The following SPATA16 variants were observed in gnomAD, a reference collection of about 807,000 sequenced individuals.
The protein encoded by SPATA16 is spermatogenesis-associated protein 16.
SPATA16 carries 36 observed loss-of-function variants against 63.3 expected under a neutral mutation model. The observed-to-expected ratio is 0.57, with a 90% CI of 0.44 to 0.75. SPATA16 has a LOEUF of 0.75. SPATA16 is among the 30% of genes least tolerant of loss of function. SPATA16 has a pLI of 0.00. For synonymous variants in SPATA16, 203 were observed against 216.7 expected, an observed-to-expected ratio of 0.94 and a Z score of 0.56; for missense variants, 646 against 679.3, an observed-to-expected ratio of 0.95 and a Z score of 0.54.
intron 1 of SPATA16, among the ~76,000 whole-genome samples, chr3:173,122,694 G>C (rs572791591): frequency 6.3e-4 from 96 of 152,234 alleles, no homozygotes; most frequent in Middle Eastern, 3.4e-3. Flanking sequence ...TGCTGTGCTA[G>C]GTCATATGAG....
chr3:172,982,947 CA>C (rs2108255569), intron 4 of SPATA16, among the ~76,000 whole-genome samples: 1 of 152,282 alleles, frequency 6.6e-6, no homozygotes, highest in South Asian at 2.1e-4. Context: ...AAAAAAATCA[CA>C]GCACACAATC....
At chr3:173,099,242 AAGAGAGAGAGAGAGTG>A (rs71162329) in intron 2 of SPATA16, among the ~76,000 whole-genome samples, 3,337 of 151,784 alleles carry the variant, frequency 0.022, 54 homozygotes, top group Non-Finnish European at 0.035. Flanking sequence ...AAGAGACAGA[AAGAGAGAGAGAGAGTG>A]AGAGAGAGAG....
chr3:172,963,043 A>G (rs924799891), intron 5 of SPATA16, among the ~76,000 whole-genome samples: 1 of 152,150 alleles, frequency 6.6e-6, no homozygotes, highest in Non-Finnish European at 1.5e-5. Flanking sequence ...CGTTTATGTA[A>G]TAGTCAAGAT....
intron 5 of SPATA16, among the ~76,000 whole-genome samples, chr3:172,968,368 T>G (rs1029359257): frequency 2.6e-5 from 4 of 152,170 alleles, no homozygotes; most frequent in African/African-American, 4.8e-5. Flanking sequence ...GGTGGCATTG[T>G]GCTGAAATTC....
chr3:173,122,906 T>A (rs1738119195), intron 1 of SPATA16, among the ~76,000 whole-genome samples: 1 of 152,224 alleles, frequency 6.6e-6, no homozygotes, highest in Admixed American at 6.5e-5. Flanking sequence ...TGTACATTTG[T>A]TATTAGAAGG....
intron 2 of SPATA16, among the ~76,000 whole-genome samples, chr3:173,081,196 C>A (rs1219620764): frequency 6.6e-6 from 1 of 152,162 alleles, no homozygotes; most frequent in African/African-American, 2.4e-5. Flanking sequence ...AGTGACCAGG[C>A]AAACAACTTT....
intron 10 of SPATA16, among the ~76,000 whole-genome samples, chr3:172,913,165 C>A (rs1204218443): frequency 6.6e-6 from 1 of 152,164 alleles, no homozygotes; most frequent in Non-Finnish European, 1.5e-5. Flanking sequence ...CATCTCGGCA[C>A]TTCCTGCATT....
chr3:173,032,201 A>G (rs889399743), intron 3 of SPATA16, among the ~76,000 whole-genome samples: 8 of 151,754 alleles, frequency 5.3e-5, no homozygotes, highest in African/African-American at 1.9e-4. Flanking sequence ...CAAAATTACA[A>G]TTAATTCTGC....
intron 6 of SPATA16, among the ~76,000 whole-genome samples, chr3:172,945,489 G>A (rs961867250): frequency 1.3e-5 from 2 of 152,160 alleles, no homozygotes; most frequent in Non-Finnish European, 2.9e-5. Context: ...AAGGAAAGAA[G>A]CACAAAAGAG....
intron 2 of SPATA16, among the ~76,000 whole-genome samples, chr3:173,083,304 A>T (rs927036464): frequency 3.3e-5 from 5 of 152,186 alleles, no homozygotes; most frequent in African/African-American, 1.2e-4. Context: ...AACATTTCTA[A>T]GACAGAAAAC....
At chr3:173,074,764 G>C (rs1349545954) in intron 2 of SPATA16, among the ~76,000 whole-genome samples, 3 of 152,108 alleles carry the variant, frequency 2.0e-5, no homozygotes, top group Admixed American at 2.0e-4. Context: ...ACTGGAGGCT[G>C]TGGCAGGTGG....
intron 3 of SPATA16, among the ~76,000 whole-genome samples, chr3:173,033,834 A>G (rs994487970): frequency 1.3e-5 from 2 of 152,096 alleles, no homozygotes; most frequent in Admixed American, 6.6e-5. Flanking sequence ...CCTCCCAGGT[A>G]GCTGGGACTA....
At chr3:173,027,292 T>A (rs1735473300) in intron 3 of SPATA16, among the ~76,000 whole-genome samples, 1 of 151,986 alleles carries the variant, frequency 6.6e-6, no homozygotes, top group African/African-American at 2.4e-5. Context: ...TAAGCTTAAT[T>A]ATTAGTTCCA....
At chr3:173,110,517 G>A (rs2139687) in intron 2 of SPATA16, among the ~76,000 whole-genome samples, 55,438 of 152,050 alleles carry the variant, frequency 0.36, 11,849 homozygotes, top group African/African-American at 0.6. Flanking sequence ...GGAATGTTAA[G>A]CTTTAAATTA....
At chr3:173,103,537 G>C (rs1737544667) in intron 2 of SPATA16, among the ~76,000 whole-genome samples, 1 of 152,232 alleles carries the variant, frequency 6.6e-6, no homozygotes. Context: ...CTCTGAAGTG[G>C]CAGCCCAAGC....
chr3:172,958,538 T>C (rs1167833211), intron 5 of SPATA16, among the ~76,000 whole-genome samples: 1 of 152,188 alleles, frequency 6.6e-6, no homozygotes, highest in Non-Finnish European at 1.5e-5. Flanking sequence ...AGTTCTAAGG[T>C]CATGGCTGAC....
At chr3:173,028,078 T>TTCCTTCCTTCCTTC (rs1560101151) in intron 3 of SPATA16, among the ~76,000 whole-genome samples, 3 of 71,770 alleles carry the variant, frequency 4.2e-5, no homozygotes, top group African/African-American at 6.4e-5. Context: ...TTCCTTCCTT[T>TTCCTTCCTTCCTTC]CTCTCTCTCT....
chr3:172,988,600 G>T (rs1260332099), intron 4 of SPATA16, among the ~76,000 whole-genome samples: 5 of 152,202 alleles, frequency 3.3e-5, no homozygotes, highest in Non-Finnish European at 5.9e-5. Context: ...CTTAAAGGTT[G>T]ATGGAACAGA....
intron 2 of SPATA16, among the ~76,000 whole-genome samples, chr3:173,061,329 T>A (rs886762909): frequency 5.9e-5 from 9 of 152,188 alleles, no homozygotes; most frequent in African/African-American, 2.2e-4. Flanking sequence ...GTTGCAAGGG[T>A]CCTGTGTCTC....
Sources: gnomAD v4.1 joint callset for allele counts (sites outside exome capture counted in the v4.1 genomes callset) on GRCh38, gnomAD v4.1.1 for gene constraint, MANE v1.5 for transcripts, NCBI Gene and HGNC (gene_info 2026-07-23, HGNC 2026-07-21) for gene names.